PHLDA3: variants seen among roughly 807,000 people sequenced by gnomAD.
PHLDA3 encodes pleckstrin homology-like domain family A member 3.
In PHLDA3, 12 loss-of-function variants were observed where a neutral mutation model predicts 7.6. The ratio of observed to expected loss-of-function variants is 1.58; its 90% CI spans 1.01 to 2.55. The LOEUF (loss-of-function observed/expected upper bound fraction) is 2.55, where lower values mean the gene tolerates loss of function less well. Among genes scored for constraint, PHLDA3 ranks in the 30% most tolerant of loss-of-function variants. The pLI is 0.00. For synonymous variants in PHLDA3, 104 were observed against 85.1 expected, an observed-to-expected ratio of 1.22 and a Z score of -1.23; for missense variants, 177 against 175.6, an observed-to-expected ratio of 1.01 and a Z score of -0.05.
rs1663612029 is a variant in PHLDA3 at position 201,464,447 on chromosome 1, T to C, written c.*1794A>G. 1 of 152,260 alleles carries C rather than the reference T, an allele frequency of 6.6e-6. No individual in the cohort carries two copies. The highest frequency in any genetic ancestry group is 2.4e-5 in the African/African-American group (1 of 41,460). The allele number at this position is 152,260 out of a possible 1,614,324, so 9.4% of individuals were successfully genotyped here. ...AACAAATTCTCATTCAACTGTGTGA[T>C]GTAATTCACACATCAGATGAGCAAG... On this transcript the variant is annotated 3_prime_UTR_variant, in exon 2 of 2. Coordinates refer to ENST00000367311, the MANE Select transcript of PHLDA3 (RefSeq NM_012396.5).
Position 201,468,554 on chromosome 1 carries a change from T to G in PHLDA3, c.233A>C (p.Glu78Ala). 6.2e-7 allele frequency: 1 copy of G among 1,613,986 alleles called. No homozygotes were observed. The highest frequency in any genetic ancestry group is 8.5e-7 in the Non-Finnish European group (1 of 1,180,006). ...GCGGAAGTCGATCTCGCCGCCCCCTTCGGTCACCAGCGTGAAGTAGATGTG... is the reference window on the plus strand; with the variant it reads ...GCGGAAGTCGATCTCGCCGCCCCCTGCGGTCACCAGCGTGAAGTAGATGTG... ...GRHIYFTLVT[E>A]GGGEIDFRCP... The change falls in exon 1 of 2, where the codon GAA becomes GCA. Residue 78 changes from glutamate (E) to alanine (A), a missense_variant. By Grantham distance (107) the Glu-to-Ala change is moderately radical (BLOSUM62 -1). Coordinates refer to ENST00000367311, the MANE Select transcript of PHLDA3 (RefSeq NM_012396.5).
In PHLDA3 at chr1:201,468,695, C is replaced by T. The variant is rs777433729; in HGVS notation, c.92G>A (p.Cys31Tyr). The change falls in exon 1 of 2, where the codon TGC becomes TAC. Residue 31 changes from cysteine (C) to tyrosine (Y), a missense_variant. By Grantham distance (194) the Cys-to-Tyr change is radical. Coordinates refer to ENST00000367311, the MANE Select transcript of PHLDA3 (RefSeq NM_012396.5). ...CTGCAGCCCGCGTTCGGTGAGGACG[C>T]AGCGCTTCCGCTTCCACAGCTGCAG... ...GLLQLWKRKR[C>Y]VLTERGLQLF... The T allele has an allele frequency of 6.2e-7, 1 of 1,610,166 alleles. No homozygotes were observed. The highest frequency in any genetic ancestry group is 2.2e-5 in the East Asian group (1 of 44,856).
At position 201,464,426 on chromosome 1, in the gene PHLDA3, A is replaced by C. The variant is rs1243701792; in HGVS notation, c.*1815T>G. 5.3e-5 allele frequency: 8 copies of C among 152,250 alleles called. No homozygotes were observed. Among genetic ancestry groups the C allele is most frequent in the Admixed American group, 5.2e-4 (8 of 15,286 alleles). 9.4% of individuals were successfully genotyped at this position (152,250 alleles called of 1,614,324 possible). A position where few individuals can be genotyped will look rare whatever the true frequency, so the allele number is the denominator to read the frequency against. ...TATAAAAGTTCTGTTGTAATTAACAAATTCTCATTCAACTGTGTGATGTAA... is the reference window on the plus strand; with the variant it reads ...TATAAAAGTTCTGTTGTAATTAACACATTCTCATTCAACTGTGTGATGTAA... On this transcript the variant is annotated 3_prime_UTR_variant, in exon 2 of 2. Coordinates refer to ENST00000367311, the MANE Select transcript of PHLDA3 (RefSeq NM_012396.5).
intron 1 of PHLDA3, 65 bp downstream of exon 1, chr1:201,468,276 T>A: frequency 8.9e-7 from 1 of 1,118,932 alleles, no homozygotes; most frequent in Non-Finnish European, 1.3e-6. Context: ...TAGTCCTCAT[T>A]CTCTCTGTAG....
At position 201,468,532 on chromosome 1, in the gene PHLDA3, G is replaced by A. The variant is rs148133646; in HGVS notation, c.255C>T (p.Phe85=). 706 of 1,614,160 alleles carry A rather than the reference G, an allele frequency of 4.4e-4. No homozygotes were observed. Among genetic ancestry groups the A allele is most frequent in the Non-Finnish European group, 5.6e-4 (655 of 1,180,032 alleles). Residue 85 remains phenylalanine (F), a synonymous_variant, in exon 1 of 2, where the codon TTC becomes TTT. Coordinates refer to ENST00000367311, the MANE Select transcript of PHLDA3 (RefSeq NM_012396.5). Reference sequence around the variant, plus strand: ...AGCCGGGATCTTCCAGGGGGCAGCGGAAGTCGATCTCGCCGCCCCCTTCGG... The same window carrying A: ...AGCCGGGATCTTCCAGGGGGCAGCGAAAGTCGATCTCGCCGCCCCCTTCGG... ...LVTEGGGEID[F]RCPLEDPGWN... is the part of the protein sequence containing the mutation.
chr1:201,467,885 GGGAA>G (rs749297511), intron 1 of PHLDA3, among the ~76,000 whole-genome samples: 3 of 152,206 alleles, frequency 2.0e-5, no homozygotes, highest in Non-Finnish European at 4.4e-5. Flanking sequence ...TCAACCTAGA[GGGAA>G]AGAGGGTCGG....
chr1:201,468,252 C>G (rs926585597), intron 1 of PHLDA3, 89 bp downstream of exon 1: 1 of 963,274 alleles, frequency 1.0e-6, no homozygotes, highest in African/African-American at 1.7e-5. Flanking sequence ...ATGTCCGGCT[C>G]TGAAGTAGAA....
intron 1 of PHLDA3, 149 bp downstream of exon 1, chr1:201,468,192 G>T: frequency 1.6e-6 from 1 of 622,998 alleles, no homozygotes; most frequent in Non-Finnish European, 2.7e-6. Context: ...GTTGGCCACT[G>T]GCCCAAGCCT....
In PHLDA3 at chr1:201,468,832, G is replaced by C; in HGVS notation, c.-46C>G. On this transcript the variant is annotated 5_prime_UTR_variant, in exon 1 of 2. Transcript: ENST00000367311. ...AAAGCTCCAGGCTGCGGCGGGCGCG[G>C]CGCCCCTCTCGGCCCCGCAGCGCAG... is the stretch of plus-strand genomic sequence containing the variant. The C allele has an allele frequency of 6.8e-7, 1 of 1,471,046 alleles. No homozygotes were observed. The highest frequency in any genetic ancestry group is 8.9e-7 in the Non-Finnish European group (1 of 1,123,822). The allele number at this position is 1,471,046 out of a possible 1,614,324, so 91.1% of individuals were successfully genotyped here. A position where few individuals can be genotyped will look rare whatever the true frequency, so the allele number is the denominator to read the frequency against.
In PHLDA3 at chr1:201,465,773, G is replaced by A. The variant is rs1663649677; in HGVS notation, c.*468C>T. On this transcript the variant is annotated 3_prime_UTR_variant, in exon 2 of 2. Transcript: ENST00000367311. Reference sequence around the variant, plus strand: ...ATTCTGGAGTGGGCCTGGGTACCAGGCCCTGGGTACTCCTTTTGGTACCAG... The same window carrying A: ...ATTCTGGAGTGGGCCTGGGTACCAGACCCTGGGTACTCCTTTTGGTACCAG... The A allele has an allele frequency of 1.3e-5, 2 of 154,868 alleles. No homozygotes were observed. Among genetic ancestry groups the A allele is most frequent in the Middle Eastern group, 5.1e-4 (1 of 1,950 alleles). The allele number at this position is 154,868 out of a possible 1,614,324, so 9.6% of individuals were successfully genotyped here. A position where few individuals can be genotyped will look rare whatever the true frequency, so the allele number is the denominator to read the frequency against.
Position 201,464,691 on chromosome 1 carries a change from C to CA in PHLDA3, c.*1549dup, listed in dbSNP as rs1189135635. ...ACAGGGAAGGTCAGACATGGGAAAA[C>CA]AATGGAGGAAAGGCAGGCAGGGTCA... On this transcript the variant is annotated 3_prime_UTR_variant, in exon 2 of 2. Coordinates refer to ENST00000367311, the MANE Select transcript of PHLDA3 (RefSeq NM_012396.5). 1 of 152,304 alleles carries CA rather than the reference C, an allele frequency of 6.6e-6. No homozygotes were observed. Among genetic ancestry groups the CA allele is most frequent in the Non-Finnish European group, 1.5e-5 (1 of 68,120 alleles). 9.4% of individuals were successfully genotyped at this position (152,304 alleles called of 1,614,324 possible). A position where few individuals can be genotyped will look rare whatever the true frequency, so the allele number is the denominator to read the frequency against.
rs751652443 is a variant in PHLDA3, at chr1:201,464,642, C to G, written c.*1599G>C. 6.6e-6 allele frequency: 1 copy of G among 152,166 alleles called. No homozygotes were observed. Among genetic ancestry groups the G allele is most frequent in the Non-Finnish European group, 1.5e-5 (1 of 68,048 alleles). 9.4% of individuals were successfully genotyped at this position (152,166 alleles called of 1,614,324 possible). ...GCCTCCTTGCTCCCTCCAGAGAGAC[C>G]CTGTAGTAGGCCACTGCTTTGCAAC... On this transcript the variant is annotated 3_prime_UTR_variant, in exon 2 of 2. Coordinates refer to ENST00000367311, the MANE Select transcript of PHLDA3 (RefSeq NM_012396.5).
intron 1 of PHLDA3, 34 bp downstream of exon 1, chr1:201,468,307 G>A: frequency 7.6e-7 from 1 of 1,312,982 alleles, no homozygotes. Flanking sequence ...AGGGAGGGAA[G>A]GAGAGAAGAG....
chr1:201,466,820 C>T lies in PHLDA3; in HGVS notation c.*63-642G>A, dbSNP rs143773079. Among the ~76,000 whole-genome samples, 802 of 152,234 alleles carry T rather than the reference C, an allele frequency of 5.3e-3. 3 individuals carry two copies. The highest frequency in any genetic ancestry group is 0.018 in the African/African-American group (767 of 41,522). On this transcript the variant is annotated intron_variant, in intron 1 of 1. Coordinates refer to ENST00000367311, the MANE Select transcript of PHLDA3 (RefSeq NM_012396.5). ...ACTCATGACCCCATCCTGCTGCACCCACCCACCCTGCCCCAGTGCCCCATG... is the reference window on the plus strand; with the variant it reads ...ACTCATGACCCCATCCTGCTGCACCTACCCACCCTGCCCCAGTGCCCCATG...
In PHLDA3 at chr1:201,465,647, C is replaced by CTGGAT. The variant is rs1448734089; in HGVS notation, c.*589_*593dup. The CTGGAT allele has an allele frequency of 7.7e-5, 12 of 155,010 alleles. No individual in the cohort carries two copies. Among genetic ancestry groups the CTGGAT allele is most frequent in the African/African-American group, 2.9e-4 (12 of 41,524 alleles). 9.6% of individuals were successfully genotyped at this position (155,010 alleles called of 1,614,324 possible). Reference sequence around the variant, plus strand: ...GGGAAGAAGTGTGCAAAGAAAGGGCCTGGATGGGTGGGGGTCCCAAAAGGA... The same window carrying CTGGAT: ...GGGAAGAAGTGTGCAAAGAAAGGGCCTGGATTGGATGGGTGGGGGTCCCAAAAGGA... On this transcript the variant is annotated 3_prime_UTR_variant, in exon 2 of 2. Transcript: ENST00000367311.
intron 1 of PHLDA3, among the ~76,000 whole-genome samples, chr1:201,466,879 A>T (rs1170735327): frequency 7.0e-6 from 1 of 142,370 alleles, no homozygotes; most frequent in East Asian, 2.4e-4. Flanking sequence ...TGGCCCAGCC[A>T]GGCCTGACTG....
Position 201,464,586 on chromosome 1 carries a change from G to C in PHLDA3, c.*1655C>G, listed in dbSNP as rs553317327. The C allele has an allele frequency of 6.6e-6, 1 of 152,300 alleles. No homozygotes were observed. The highest frequency in any genetic ancestry group is 2.4e-5 in the African/African-American group (1 of 41,546). The allele number at this position is 152,300 out of a possible 1,614,324, so 9.4% of individuals were successfully genotyped here. Reference sequence around the variant, plus strand: ...AGGTTGGAAGCACAAAACAATTAAAGGGACTTCGAATTGCTGAATGGGGCC... The same window carrying C: ...AGGTTGGAAGCACAAAACAATTAAACGGACTTCGAATTGCTGAATGGGGCC... On this transcript the variant is annotated 3_prime_UTR_variant, in exon 2 of 2. Transcript: ENST00000367311.
chr1:201,467,142 A>T (rs1663682160), intron 1 of PHLDA3, among the ~76,000 whole-genome samples: 1 of 151,348 alleles, frequency 6.6e-6, no homozygotes, highest in Admixed American at 6.6e-5. Flanking sequence ...GAAACCCCAA[A>T]TCTACAAAAA....
intron 1 of PHLDA3, chr1:201,467,698 C>T (rs637743): frequency 0.2 from 30,012 of 152,410 alleles, 3,534 homozygotes; most frequent in East Asian, 0.5. Context: ...AGAGGAGGAG[C>T]TGGATCCCTC....
Sources: gnomAD v4.1 joint callset for allele counts (sites outside exome capture counted in the v4.1 genomes callset) on GRCh38, gnomAD v4.1.1 for gene constraint, MANE v1.5 for transcripts, NCBI Gene and HGNC (gene_info 2026-07-23, HGNC 2026-07-21) for gene names.